Variants in VPS54 observed in about 807,000 individuals in gnomAD.
The protein encoded by VPS54 is vacuolar protein sorting-associated protein 54.
VPS54 carries 45 observed loss-of-function variants against 121.5 expected under a neutral mutation model. The ratio of observed to expected loss-of-function variants is 0.37; its 90% CI spans 0.29 to 0.47. The LOEUF (loss-of-function observed/expected upper bound fraction) is 0.47. VPS54 is among the 20% of genes least tolerant of loss of function. The pLI is 0.99. For synonymous variants in VPS54, 371 were observed against 385.8 expected, an observed-to-expected ratio of 0.96 and a Z score of 0.45; for missense variants, 1,090 against 1,131.4, an observed-to-expected ratio of 0.96 and a Z score of 0.52.
intron 3 of VPS54, among the ~76,000 whole-genome samples, chr2:63,977,766 T>C (rs1181210781): frequency 6.6e-6 from 1 of 152,220 alleles, no homozygotes. Context: ...TGTAATGTTT[T>C]GCTGAAAGCC....
intron 17 of VPS54, chr2:63,913,967 C>T (rs1406800103): frequency 6.3e-5 from 83 of 1,310,412 alleles, no homozygotes; most frequent in Non-Finnish European, 8.0e-5. Flanking sequence ...TCATTAACAA[C>T]TCTATGGGTG....
At chr2:63,966,786 C>T (rs1261093590) in intron 5 of VPS54, among the ~76,000 whole-genome samples, 1 of 152,196 alleles carries the variant, frequency 6.6e-6, no homozygotes, top group African/African-American at 2.4e-5. Flanking sequence ...CACTATTTAC[C>T]CATTACACTC....
Position 63,965,914 on chromosome 2 carries a change from A to G in VPS54, c.545T>C (p.Val182Ala). The G allele has an allele frequency of 6.2e-7, 1 of 1,612,750 alleles. No individual in the cohort carries two copies. The highest frequency in any genetic ancestry group is 8.5e-7 in the Non-Finnish European group (1 of 1,179,638). Residue 182 changes from valine to alanine, a missense_variant, in exon 6 of 23, where the codon GTT (valine) becomes GCT (alanine). Transcript: ENST00000272322. ...ALDDSLTFNS[V>A]LPWSHFNTAG... ...AGTATTAAAATGAGACCATGGTAAA[A>G]CTGAATTAAAAGTTAAGGAATCATC...
rs1675144906 is a variant in VPS54, at chr2:63,949,603, T to C, written c.1011-440A>G. Among the ~76,000 whole-genome samples the C allele has an allele frequency of 2.0e-5, 3 of 152,252 alleles. No individual in the cohort carries two copies. In the South Asian group the frequency reaches 6.2e-4, roughly 32 times the overall value. ...AAAATCCTATGGAAAAGAAAATACA[T>C]TGACTATTGATTAACTGGAATCAGA... is the stretch of plus-strand genomic sequence containing the variant. On this transcript the variant is annotated intron_variant, in intron 7 of 22. Transcript: ENST00000272322.
At chr2:63,928,093 G>A (rs1033742741) in intron 12 of VPS54, among the ~76,000 whole-genome samples, 3 of 152,202 alleles carry the variant, frequency 2.0e-5, no homozygotes, top group Non-Finnish European at 4.4e-5. Context: ...CACTCTTCAG[G>A]ATACTATCCA....
At chr2:63,904,695 C>G (rs1344703582) in intron 20 of VPS54, among the ~76,000 whole-genome samples, 1 of 152,132 alleles carries the variant, frequency 6.6e-6, no homozygotes, top group African/African-American at 2.4e-5. Context: ...TACCAACCAA[C>G]ACCACTTAGT....
intron 12 of VPS54, among the ~76,000 whole-genome samples, chr2:63,930,298 C>T (rs943965823): frequency 2.0e-5 from 3 of 152,048 alleles, no homozygotes; most frequent in Admixed American, 6.6e-5. Flanking sequence ...AGCAGCACAT[C>T]GAAAAGCTTA....
chr2:63,926,620 C>T (rs891813766), intron 12 of VPS54, among the ~76,000 whole-genome samples: 1 of 152,148 alleles, frequency 6.6e-6, no homozygotes, highest in Non-Finnish European at 1.5e-5. Context: ...CCTGGTTCAT[C>T]TCATTGGGAC....
intron 20 of VPS54, among the ~76,000 whole-genome samples, chr2:63,908,799 G>T (rs1673013582): frequency 6.6e-6 from 1 of 152,210 alleles, no homozygotes; most frequent in South Asian, 2.1e-4. Context: ...ACAACTGTAT[G>T]AAGTAGGCTC....
At chr2:63,939,422 T>C (rs566970418) in intron 11 of VPS54, among the ~76,000 whole-genome samples, 8 of 151,996 alleles carry the variant, frequency 5.3e-5, no homozygotes, top group Non-Finnish European at 7.4e-5. Context: ...ACATATAGAA[T>C]TGGATATCCT....
At chr2:63,899,724 C>T in intron 20 of VPS54, 143 bp from the exon 21 acceptor site, 1 of 628,940 alleles carries the variant, frequency 1.6e-6, no homozygotes, top group Non-Finnish European at 2.7e-6. Flanking sequence ...CAACTGTGAT[C>T]TGCGCTACTC....
intron 8 of VPS54, 30 bp from the exon 9 acceptor site, chr2:63,947,520 T>C: frequency 1.4e-6 from 2 of 1,419,102 alleles, no homozygotes; most frequent in South Asian, 2.6e-5. Context: ...TAACTTGACA[T>C]TTTAAATATG....
At chr2:64,015,785 A>G (rs139557211) in intron 1 of VPS54, among the ~76,000 whole-genome samples, 1 of 152,348 alleles carries the variant, frequency 6.6e-6, no homozygotes, top group South Asian at 2.1e-4. Flanking sequence ...CATTAATAGT[A>G]TAAGAAGATA....
At chr2:63,915,151 C>CAAAAAAAAAA (rs5831674) in intron 16 of VPS54, among the ~76,000 whole-genome samples, 2 of 23,852 alleles carry the variant, frequency 8.4e-5, no homozygotes, top group Non-Finnish European at 1.7e-4. Context: ...AGCTCCGTCT[C>CAAAAAAAAAA]AAAAAAAAAA....
intron 1 of VPS54, 39 bp downstream of exon 1, chr2:64,018,899 G>A (rs890528180): frequency 6.6e-6 from 1 of 151,190 alleles, no homozygotes. Flanking sequence ...CGGGGTGAGA[G>A]TGGGCTGAGA....
At chr2:64,018,301 G>C (rs1451080742) in intron 1 of VPS54, among the ~76,000 whole-genome samples, 3 of 152,060 alleles carry the variant, frequency 2.0e-5, no homozygotes, top group Non-Finnish European at 4.4e-5. Flanking sequence ...ATACCATCTT[G>C]AACTCAACAC....
At chr2:63,989,205 C>T (rs13429652) in intron 1 of VPS54, among the ~76,000 whole-genome samples, 232 of 152,274 alleles carry the variant, frequency 1.5e-3, no homozygotes, top group African/African-American at 4.9e-3. Flanking sequence ...GCCTGCACAG[C>T]GGGACCGGGA....
intron 6 of VPS54, among the ~76,000 whole-genome samples, chr2:63,965,130 A>G (rs997069031): frequency 6.6e-6 from 1 of 152,150 alleles, no homozygotes; most frequent in Non-Finnish European, 1.5e-5. Context: ...AAAATGAAAA[A>G]CAGTACCTCG....
At chr2:63,921,065 G>GACC in intron 13 of VPS54, 141 bp downstream of exon 13, 1 of 785,582 alleles carries the variant, frequency 1.3e-6, no homozygotes, top group Non-Finnish European at 1.8e-6. Context: ...CTCCCTAGTA[G>GACC]ACCACATCAG....
Sources: allele counts gnomAD v4.1 joint callset (sites outside exome capture counted in the v4.1 genomes callset), GRCh38; gene constraint gnomAD v4.1.1; transcripts MANE v1.5; gene names NCBI Gene and HGNC (gene_info 2026-07-23, HGNC 2026-07-21).